TSSK6: variants seen among roughly 807,000 people sequenced by gnomAD.
TSSK6 encodes the protein testis specific serine kinase 6.
A neutral mutation model predicts 8.5 loss-of-function variants in TSSK6; 9 were observed. The observed-to-expected ratio is 1.06, with a 90% confidence interval of 0.64 to 1.85. The LOEUF (loss-of-function observed/expected upper bound fraction) is 1.85, where lower values mean the gene tolerates loss of function less well. TSSK6 is among the 40% of genes most tolerant of loss of function. The probability of loss-of-function intolerance (pLI) is 0.00; values close to 1 mark genes in which losing one functional copy is unlikely to be tolerated. For synonymous variants in TSSK6, 202 were observed against 182.4 expected (o/e 1.11, Z -0.86); for missense variants, 311 against 391.5 (o/e 0.79, Z 1.73).
In TSSK6 at chr19:19,515,472, G is replaced by T; in HGVS notation, c.-45C>A. The T allele has an allele frequency of 6.5e-7, 1 of 1,536,144 alleles. No homozygotes were observed. The highest frequency in any genetic ancestry group is 8.8e-7 in the Non-Finnish European group (1 of 1,132,746). On this transcript the variant is annotated 5_prime_UTR_variant, in exon 1 of 1. Transcript: ENST00000585580. ...GGGGGGCAGGAGGCGGCTGCTGTCG[G>T]GGGGCGGCCGGACTCCAATCTCGGG...
At position 19,514,969 on chromosome 19, in the gene TSSK6, G is replaced by T; in HGVS notation, c.459C>A (p.Thr153=). 1 of 1,604,440 alleles carries T rather than the reference G, an allele frequency of 6.2e-7. No homozygotes were observed. The highest frequency in any genetic ancestry group is 8.5e-7 in the Non-Finnish European group (1 of 1,174,928). ...GGGCCTGGCGGCCGAAGCCGAAGTC[G>T]GTGAGCTTGACGCGGCGCTCGTCCG... ...LSPDERRVKL[T]DFGFGRQAHG... The change falls in exon 1 of 1, where the codon ACC becomes ACA. Residue 153 remains threonine (T), a synonymous_variant. Transcript: ENST00000585580.
chr19:19,514,903 G>A lies in TSSK6; in HGVS notation c.525C>T (p.Ala175=), dbSNP rs992423699. Residue 175 remains alanine (A), a synonymous_variant, in exon 1 of 1, where the codon GCC becomes GCT. Transcript: ENST00000585580. ...GGAGCACCTCGGGTGACGCGTAGGC[G>A]GCTGAGCCGCAGTAGGTGGTGCTCA... ...PDLSTTYCGS[A]AYASPEVLLG... is the part of the protein sequence containing the mutation. 12 of 1,602,670 alleles carry A rather than the reference G, an allele frequency of 7.5e-6. No homozygotes were observed. Among genetic ancestry groups the A allele is most frequent in the Non-Finnish European group, 1.0e-5 (12 of 1,177,610 alleles).
rs1202149892 is a variant in TSSK6, at chr19:19,514,589, C to T, written c.*17G>A. 6.5e-7 allele frequency: 1 copy of T among 1,543,832 alleles called. No homozygotes were observed. The highest frequency in any genetic ancestry group is 8.7e-7 in the Non-Finnish European group (1 of 1,150,666). On this transcript the variant is annotated 3_prime_UTR_variant, in exon 1 of 1. Coordinates refer to ENST00000585580, the MANE Select transcript of TSSK6 (RefSeq NM_032037.4). ...CCAGTGCCCTTGGCTGCAGGAATGG[C>T]TGGAACCACCCGGCTTCTAGCCGGA...
At position 19,514,702 on chromosome 19, in the gene TSSK6, G is replaced by A; in HGVS notation, c.726C>T (p.Ala242=). The A allele has an allele frequency of 1.2e-6, 2 of 1,601,526 alleles. No individual in the cohort carries two copies. Among genetic ancestry groups the A allele is most frequent in the Non-Finnish European group, 1.7e-6 (2 of 1,179,516 alleles). Residue 242 remains alanine (A), a synonymous_variant, in exon 1 of 1, where the codon GCC becomes GCT. Coordinates refer to ENST00000585580, the MANE Select transcript of TSSK6 (RefSeq NM_032037.4). ...TGAACTGCAGCAGCTCGGCGATCAG[G>A]GCCTTGCAGCGCTCGGACAGCTCGA... ...EGLELSERCK[A]LIAELLQFSP...
In TSSK6 at chr19:19,514,413, C is replaced by T. The variant is rs2061035011; in HGVS notation, c.*193G>A. ...CATGCGCCTCCAGCTCCCGGGATCG[C>T]GGGGAACGTGGATTCCGAACAAGGG... On this transcript the variant is annotated 3_prime_UTR_variant, in exon 1 of 1. Coordinates refer to ENST00000585580, the MANE Select transcript of TSSK6 (RefSeq NM_032037.4). 11 of 616,830 alleles carry T rather than the reference C, an allele frequency of 1.8e-5. No homozygotes were observed. The highest frequency in any genetic ancestry group is 2.5e-5 in the Non-Finnish European group (9 of 362,710). The allele number at this position is 616,830 out of a possible 1,614,324, so 38.2% of individuals were successfully genotyped here.
chr19:19,514,464 A>T lies in TSSK6; in HGVS notation c.*142T>A. On this transcript the variant is annotated 3_prime_UTR_variant, in exon 1 of 1. Coordinates refer to ENST00000585580, the MANE Select transcript of TSSK6 (RefSeq NM_032037.4). ...CAACTGCGGACTCCCCCGTGGGAAG[A>T]AAGGGAGGGAAGCGGAAGGGAAAAA... The T allele has an allele frequency of 1.2e-6, 1 of 817,948 alleles. No homozygotes were observed. Among genetic ancestry groups the T allele is most frequent in the Non-Finnish European group, 1.8e-6 (1 of 540,742 alleles). The allele number at this position is 817,948 out of a possible 1,614,324, so 50.7% of individuals were successfully genotyped here.
rs746516026 is a variant in TSSK6 at position 19,515,332 on chromosome 19, C to T, written c.96G>A (p.Lys32=). 9 of 1,614,108 alleles carry T rather than the reference C, an allele frequency of 5.6e-6. No homozygotes were observed. In the East Asian group the frequency reaches 1.6e-4, roughly 28 times the overall value. ...SYSKVKVATS[K]KYKGTVAIKV... The stretch of plus-strand genomic sequence containing the variant: ...TGATGGCCACGGTACCCTTGTACTT[C>T]TTGGATGTGGCCACCTTCACCTTGG... The change falls in exon 1 of 1, where the codon AAG becomes AAA. Residue 32 remains lysine, a synonymous_variant. Transcript: ENST00000585580.
At position 19,514,806 on chromosome 19, in the gene TSSK6, CG is replaced by C; in HGVS notation, c.621del (p.Cys209AlafsTer35). 1 of 1,601,096 alleles carries C rather than the reference CG, an allele frequency of 6.2e-7. No individual in the cohort carries two copies. Among genetic ancestry groups the C allele is most frequent in the South Asian group, 1.1e-5 (1 of 91,002 alleles). ...SMGVVLYVMV[T>X]GCMPFDDSDI... ...TCCGAGTCGTCGAAGGGCATGCACCCGGTGACCATGACGTAGAGCACGACGC... is the reference window on the plus strand; with the variant it reads ...TCCGAGTCGTCGAAGGGCATGCACCCGTGACCATGACGTAGAGCACGACGC... On this transcript the variant is annotated frameshift_variant, in exon 1 of 1. Coordinates refer to ENST00000585580, the MANE Select transcript of TSSK6 (RefSeq NM_032037.4). LOFTEE classifies it high-confidence loss of function.
At position 19,514,564 on chromosome 19, in the gene TSSK6, C is replaced by T; in HGVS notation, c.*42G>A. 1 of 1,483,656 alleles carries T rather than the reference C, an allele frequency of 6.7e-7. No homozygotes were observed. Among genetic ancestry groups the T allele is most frequent in the Admixed American group, 2.3e-5 (1 of 43,298 alleles). 91.9% of individuals were successfully genotyped at this position (1,483,656 alleles called of 1,614,324 possible). A position where few individuals can be genotyped will look rare whatever the true frequency, so the allele number is the denominator to read the frequency against. ...CCTCTTGCGCGTGCGCCGCCCTGGC[C>T]CAGTGCCCTTGGCTGCAGGAATGGC... is the stretch of plus-strand genomic sequence containing the variant. On this transcript the variant is annotated 3_prime_UTR_variant, in exon 1 of 1. Transcript: ENST00000585580.
Position 19,514,326 on chromosome 19 carries a change from A to T in TSSK6, c.*280T>A. The T allele has an allele frequency of 2.1e-6, 1 of 476,034 alleles. No homozygotes were observed. The highest frequency in any genetic ancestry group is 3.8e-6 in the Non-Finnish European group (1 of 266,560). The allele number at this position is 476,034 out of a possible 1,614,324, so 29.5% of individuals were successfully genotyped here. On this transcript the variant is annotated 3_prime_UTR_variant, in exon 1 of 1. Transcript: ENST00000585580. ...GAGGCTGAGAGTTCCGCGCAGGCGC[A>T]ATGCTTCCGTCCCCTCTGGTCTCGC... is the stretch of plus-strand genomic sequence containing the variant.
Position 19,514,406 on chromosome 19 carries a change from G to A in TSSK6, c.*200C>T, listed in dbSNP as rs1045636704. 1.7e-6 allele frequency: 1 copy of A among 605,038 alleles called. No homozygotes were observed. Among genetic ancestry groups the A allele is most frequent in the Non-Finnish European group, 2.8e-6 (1 of 352,496 alleles). 37.5% of individuals were successfully genotyped at this position (605,038 alleles called of 1,614,324 possible). On this transcript the variant is annotated 3_prime_UTR_variant, in exon 1 of 1. Transcript: ENST00000585580. Reference sequence around the variant, plus strand: ...GGATGCGCATGCGCCTCCAGCTCCCGGGATCGCGGGGAACGTGGATTCCGA... The same window carrying A: ...GGATGCGCATGCGCCTCCAGCTCCCAGGATCGCGGGGAACGTGGATTCCGA...
chr19:19,515,486 T>G lies in TSSK6; in HGVS notation c.-59A>C. On this transcript the variant is annotated 5_prime_UTR_variant, in exon 1 of 1. Coordinates refer to ENST00000585580, the MANE Select transcript of TSSK6 (RefSeq NM_032037.4). The stretch of plus-strand genomic sequence containing the variant: ...GGCTGCTGTCGGGGGGCGGCCGGAC[T>G]CCAATCTCGGGTCTAAGCCATGGCG... 6.7e-7 allele frequency: 1 copy of G among 1,497,280 alleles called. No homozygotes were observed. The highest frequency in any genetic ancestry group is 9.1e-7 in the Non-Finnish European group (1 of 1,100,356). The allele number at this position is 1,497,280 out of a possible 1,614,324, so 92.7% of individuals were successfully genotyped here.
At position 19,514,391 on chromosome 19, in the gene TSSK6, G is replaced by A; in HGVS notation, c.*215C>T. The A allele has an allele frequency of 3.4e-6, 2 of 585,608 alleles. No individual in the cohort carries two copies. The allele number at this position is 585,608 out of a possible 1,614,324, so 36.3% of individuals were successfully genotyped here. A position where few individuals can be genotyped will look rare whatever the true frequency, so the allele number is the denominator to read the frequency against. On this transcript the variant is annotated 3_prime_UTR_variant, in exon 1 of 1. Coordinates refer to ENST00000585580, the MANE Select transcript of TSSK6 (RefSeq NM_032037.4). ...GTCGCAGGGAATCGCGGATGCGCATGCGCCTCCAGCTCCCGGGATCGCGGG... is the reference window on the plus strand; with the variant it reads ...GTCGCAGGGAATCGCGGATGCGCATACGCCTCCAGCTCCCGGGATCGCGGG...
In TSSK6 at chr19:19,514,405, C is replaced by A; in HGVS notation, c.*201G>T. ...CGGATGCGCATGCGCCTCCAGCTCCCGGGATCGCGGGGAACGTGGATTCCG... is the reference window on the plus strand; with the variant it reads ...CGGATGCGCATGCGCCTCCAGCTCCAGGGATCGCGGGGAACGTGGATTCCG... On this transcript the variant is annotated 3_prime_UTR_variant, in exon 1 of 1. Transcript: ENST00000585580. 3.3e-6 allele frequency: 2 copies of A among 606,692 alleles called. No homozygotes were observed. The highest frequency in any genetic ancestry group is 2.2e-5 in the South Asian group (1 of 44,996). 37.6% of individuals were successfully genotyped at this position (606,692 alleles called of 1,614,324 possible).
chr19:19,514,601 GGCTTCTAGCCGGAGTCCCCGGC>G lies in TSSK6; in HGVS notation c.805_*4del. ...GCTGCAGGAATGGCTGGAACCACCC[GGCTTCTAGCCGGAGTCCCCGGC>G]GCGCAGCCAGCAGTTGCGCGCTACC... On this transcript the variant is annotated stop_lost and 3_prime_UTR_variant, in exon 1 of 1. Transcript: ENST00000585580. 1 of 1,563,370 alleles carries G rather than the reference GGCTTCTAGCCGGAGTCCCCGGC, an allele frequency of 6.4e-7. No individual in the cohort carries two copies. Among genetic ancestry groups the G allele is most frequent in the South Asian group, 1.1e-5 (1 of 87,232 alleles).
chr19:19,514,996 G>T lies in TSSK6; in HGVS notation c.432C>A (p.Ser144Arg). 1 of 1,610,280 alleles carries T rather than the reference G, an allele frequency of 6.2e-7. No individual in the cohort carries two copies. Among genetic ancestry groups the T allele is most frequent in the Non-Finnish European group, 8.5e-7 (1 of 1,178,350 alleles). Residue 144 changes from serine to arginine, a missense_variant, in exon 1 of 1, where the codon AGC becomes AGA. By Grantham distance (110) the Ser-to-Arg change is moderately radical. Coordinates refer to ENST00000585580, the MANE Select transcript of TSSK6 (RefSeq NM_032037.4). Reference protein sequence around the residue: ...RDLKCENVLLSPDERRVKLTD... With the variant: ...RDLKCENVLLRPDERRVKLTD... Reference sequence around the variant, plus strand: ...TGAGCTTGACGCGGCGCTCGTCCGGGCTCAGCAGCACGTTTTCGCACTTGA... The same window carrying T: ...TGAGCTTGACGCGGCGCTCGTCCGGTCTCAGCAGCACGTTTTCGCACTTGA...
In TSSK6 at chr19:19,514,513, A is replaced by G. The variant is rs986565527; in HGVS notation, c.*93T>C. On this transcript the variant is annotated 3_prime_UTR_variant, in exon 1 of 1. Transcript: ENST00000585580. ...AAGCGCATGTGCAGCAGCACGCGGC[A>G]GCTTCGCATATTCCCTCGAAGCGCG... The G allele has an allele frequency of 8.4e-7, 1 of 1,193,752 alleles. No homozygotes were observed. The highest frequency in any genetic ancestry group is 1.1e-6 in the Non-Finnish European group (1 of 879,984). The allele number at this position is 1,193,752 out of a possible 1,614,324, so 73.9% of individuals were successfully genotyped here.
rs1305042936 is a variant in TSSK6 at position 19,514,909 on chromosome 19, G to T, written c.519C>A (p.Gly173=). ...CCTCGGGTGACGCGTAGGCGGCTGA[G>T]CCGCAGTAGGTGGTGCTCAGGTCTG... ...GYPDLSTTYC[G]SAAYASPEVL... Residue 173 remains glycine, a synonymous_variant, in exon 1 of 1, where the codon GGC becomes GGA. Coordinates refer to ENST00000585580, the MANE Select transcript of TSSK6 (RefSeq NM_032037.4). The T allele has an allele frequency of 6.2e-7, 1 of 1,603,242 alleles. No individual in the cohort carries two copies.
chr19:19,515,147 G>T lies in TSSK6; in HGVS notation c.281C>A (p.Ala94Asp). ...CTGCACGGCTTGCAGCAGGTCGGTG[G>T]CGGCCGCTTCCATCACGATGTACAG... is the stretch of plus-strand genomic sequence containing the variant. ...GKLYIVMEAA[A>D]TDLLQAVQRN... The change falls in exon 1 of 1, where the codon GCC (alanine) becomes GAC (aspartate). Residue 94 changes from alanine (A) to aspartate (D), a missense_variant. Transcript: ENST00000585580. 2 of 1,605,928 alleles carry T rather than the reference G, an allele frequency of 1.2e-6. No homozygotes were observed. Among genetic ancestry groups the T allele is most frequent in the Non-Finnish European group, 1.7e-6 (2 of 1,179,698 alleles).
Sources: allele counts gnomAD v4.1 joint callset, GRCh38; gene constraint gnomAD v4.1.1; transcripts MANE v1.5; gene names NCBI Gene and HGNC (gene_info 2026-07-23, HGNC 2026-07-21).